The following SLC9A9 variants were observed in gnomAD, a reference collection of about 807,000 sequenced individuals.
SLC9A9 encodes sodium/hydrogen exchanger 9.
SLC9A9 carries 62 observed loss-of-function variants against 77.8 expected under a neutral mutation model. The ratio of observed to expected loss-of-function variants is 0.80; its 90% CI spans 0.65 to 0.98. The LOEUF (loss-of-function observed/expected upper bound fraction) is 0.98. Among genes scored for constraint, SLC9A9 ranks in the 50% least tolerant of loss-of-function variants. SLC9A9 has a pLI of 0.00. For missense variants in SLC9A9, 775 were observed against 774.9 expected, an observed-to-expected ratio of 1.00 and a Z score of 0.00; for synonymous variants, 320 against 283.5, an observed-to-expected ratio of 1.13 and a Z score of -1.29.
chr3:143,466,165 G>A (rs531387285), intron 12 of SLC9A9, among the ~76,000 whole-genome samples: 4 of 152,156 alleles, frequency 2.6e-5, no homozygotes, highest in African/African-American at 9.7e-5. Flanking sequence ...CTAGTCAGAT[G>A]GATCTTTACG....
intron 14 of SLC9A9, among the ~76,000 whole-genome samples, chr3:143,273,876 T>C (rs1296203646): frequency 6.6e-6 from 1 of 152,210 alleles, no homozygotes; most frequent in African/African-American, 2.4e-5. Flanking sequence ...TGCCCTCCCA[T>C]ATGAGATTCA....
intron 14 of SLC9A9, 49 bp from the exon 15 acceptor site, chr3:143,269,029 G>C (rs779478393): frequency 2.9e-6 from 4 of 1,376,856 alleles, no homozygotes; most frequent in Non-Finnish European, 3.1e-6. Context: ...TAGGATTTAG[G>C]AATCTTACGC....
At chr3:143,751,238 T>C (rs1464180622) in intron 4 of SLC9A9, among the ~76,000 whole-genome samples, 2 of 152,184 alleles carry the variant, frequency 1.3e-5, no homozygotes, top group Non-Finnish European at 2.9e-5. Flanking sequence ...AGGCATCACC[T>C]TCTCTAAGTA....
intron 12 of SLC9A9, among the ~76,000 whole-genome samples, chr3:143,443,282 C>A (rs577951555): frequency 4.6e-5 from 7 of 152,158 alleles, no homozygotes; most frequent in Non-Finnish European, 7.4e-5. Context: ...AAAGCCACAA[C>A]AAAGGCTCTC....
chr3:143,839,081 T>G (rs888167811), intron 1 of SLC9A9, among the ~76,000 whole-genome samples: 2 of 152,258 alleles, frequency 1.3e-5, no homozygotes, highest in East Asian at 3.9e-4. Flanking sequence ...GAACAAAAAG[T>G]AAAAACATGA....
At chr3:143,561,546 C>G (rs2037084520) in intron 8 of SLC9A9, among the ~76,000 whole-genome samples, 1 of 152,090 alleles carries the variant, frequency 6.6e-6, no homozygotes, top group Non-Finnish European at 1.5e-5. Context: ...GCCTCTCAGC[C>G]CCTGTGGTAT....
At chr3:143,401,489 C>T (rs965461762) in intron 12 of SLC9A9, among the ~76,000 whole-genome samples, 1 of 152,158 alleles carries the variant, frequency 6.6e-6, no homozygotes, top group African/African-American at 2.4e-5. Flanking sequence ...AAGCTATTCA[C>T]ATTAGTAAGC....
chr3:143,445,341 T>C (rs1262420717), intron 12 of SLC9A9, among the ~76,000 whole-genome samples: 1 of 152,224 alleles, frequency 6.6e-6, no homozygotes, highest in Admixed American at 6.5e-5. Context: ...GGGCTTAAGA[T>C]GAGGACAAAC....
intron 6 of SLC9A9, among the ~76,000 whole-genome samples, chr3:143,625,449 G>C (rs569193489): frequency 6.6e-6 from 1 of 152,150 alleles, no homozygotes; most frequent in Admixed American, 6.5e-5. Context: ...AGAGCCCTCA[G>C]AAATAATGCC....
chr3:143,606,772 A>G (rs2037936059), intron 6 of SLC9A9, among the ~76,000 whole-genome samples: 1 of 151,998 alleles, frequency 6.6e-6, no homozygotes, highest in Admixed American at 6.6e-5. Context: ...GTTAAAAAAC[A>G]AAAAGATAGA....
intron 4 of SLC9A9, among the ~76,000 whole-genome samples, chr3:143,780,713 TGTTGGG>T (rs143843614): frequency 2.0e-5 from 3 of 148,250 alleles, no homozygotes; most frequent in African/African-American, 5.3e-5. Flanking sequence ...CCTTCTACAG[TGTTGGG>T]GATGACTGGT....
At chr3:143,407,878 G>A (rs11711068) in intron 12 of SLC9A9, among the ~76,000 whole-genome samples, 26,240 of 152,194 alleles carry the variant, frequency 0.17, 2,610 homozygotes, top group Middle Eastern at 0.25. Context: ...AGCAGCTTGA[G>A]CTACCGTAAC....
intron 9 of SLC9A9, among the ~76,000 whole-genome samples, chr3:143,537,746 T>TC (rs1469258783): frequency 3.9e-5 from 6 of 152,014 alleles, no homozygotes; most frequent in African/African-American, 1.5e-4. Context: ...AACAATTTAC[T>TC]CCCCCCGAAA....
At chr3:143,280,465 C>G (rs1187560429) in intron 14 of SLC9A9, among the ~76,000 whole-genome samples, 1 of 151,710 alleles carries the variant, frequency 6.6e-6, no homozygotes, top group African/African-American at 2.4e-5. Flanking sequence ...ATCTCTTCTC[C>G]TCCTAGACAT....
At chr3:143,815,036 A>C (rs943655174) in intron 2 of SLC9A9, among the ~76,000 whole-genome samples, 23 of 152,270 alleles carry the variant, frequency 1.5e-4, no homozygotes, top group Non-Finnish European at 2.5e-4. Flanking sequence ...ATAAAAGGAC[A>C]AAGGCCACAA....
chr3:143,543,492 A>T (rs187317083), intron 9 of SLC9A9, among the ~76,000 whole-genome samples: 403 of 151,990 alleles, frequency 2.7e-3, no homozygotes, highest in African/African-American at 9.5e-3. Flanking sequence ...CCTGTCACCT[A>T]GGTAGTGAGC....
intron 2 of SLC9A9, among the ~76,000 whole-genome samples, chr3:143,801,228 A>G (rs1039702069): frequency 1.3e-5 from 2 of 152,088 alleles, no homozygotes; most frequent in Admixed American, 1.3e-4. Flanking sequence ...GAATTCTTAC[A>G]CAAGTACCGG....
intron 10 of SLC9A9, 80 bp from the exon 11 acceptor site, chr3:143,493,844 C>T: frequency 9.8e-7 from 1 of 1,019,090 alleles, no homozygotes; most frequent in Non-Finnish European, 1.6e-6. Flanking sequence ...ATATTATGTC[C>T]TCAAGCTTCT....
intron 5 of SLC9A9, among the ~76,000 whole-genome samples, chr3:143,674,613 CAA>C (rs1291905346): frequency 6.6e-6 from 1 of 152,082 alleles, no homozygotes; most frequent in Non-Finnish European, 1.5e-5. Flanking sequence ...GGGAGACAAA[CAA>C]GAGACATCAG....
Sources: allele counts gnomAD v4.1 joint callset (sites outside exome capture counted in the v4.1 genomes callset), GRCh38; gene constraint gnomAD v4.1.1; transcripts MANE v1.5; gene names NCBI Gene and HGNC (gene_info 2026-07-23, HGNC 2026-07-21).